Variants in ATRIP observed in about 807,000 individuals in gnomAD.
ATRIP encodes ATR interacting protein.
A neutral mutation model predicts 78.1 loss-of-function variants in ATRIP; 44 were observed. The ratio of observed to expected loss-of-function variants is 0.56; its 90% CI spans 0.44 to 0.72. The LOEUF is 0.72. Among genes scored for constraint, ATRIP ranks in the 30% least tolerant of loss-of-function variants. ATRIP has a pLI of 0.00. For synonymous variants in ATRIP, 388 were observed against 408.9 expected, an observed-to-expected ratio of 0.95 and a Z score of 0.62; for missense variants, 927 against 980.2, an observed-to-expected ratio of 0.95 and a Z score of 0.72.
At chr3:48,450,520 C>T (rs2039807497) in intron 2 of ATRIP, 1 of 1,291,776 alleles carries the variant, frequency 7.7e-7, no homozygotes. Context: ...CACTTCATAT[C>T]ACCATCTGTA....
At chr3:48,451,396 C>T (rs1206643430) in intron 2 of ATRIP, among the ~76,000 whole-genome samples, 1 of 152,142 alleles carries the variant, frequency 6.6e-6, no homozygotes, top group African/African-American at 2.4e-5. Flanking sequence ...GAGGTTGAGG[C>T]GAGAGGATCA....
rs1471932302 is a variant in ATRIP at position 48,446,851 on chromosome 3, G to A, written c.6G>A (p.Ala2=). The part of the protein sequence containing the change: M[A]GTSAPGSKRR... ...ACTTGGGGTGAGCGGAAAGCATGGC[G>A]GGGACCTCCGCGCCAGGCAGCAAGA... The change falls in exon 1 of 13, where the codon GCG becomes GCA. Residue 2 remains alanine (A), a synonymous_variant. Transcript: ENST00000320211. 1.4e-6 allele frequency: 2 copies of A among 1,400,876 alleles called. No individual in the cohort carries two copies. Among genetic ancestry groups the A allele is most frequent in the Non-Finnish European group, 1.9e-6 (2 of 1,079,164 alleles). 86.8% of individuals were successfully genotyped at this position (1,400,876 alleles called of 1,614,324 possible).
chr3:48,459,602 T>C, intron 6 of ATRIP, 148 bp downstream of exon 6: 3 of 1,143,630 alleles, frequency 2.6e-6, no homozygotes, highest in East Asian at 2.3e-5. Flanking sequence ...CAGAAGACTT[T>C]ATAAAGTGGA....
rs1436500948 is a variant in ATRIP at position 48,446,888 on chromosome 3, C to T, written c.43C>T (p.Pro15Ser). 3.6e-6 allele frequency: 5 copies of T among 1,395,850 alleles called. No homozygotes were observed. The highest frequency in any genetic ancestry group is 4.6e-6 in the Non-Finnish European group (5 of 1,078,174). 86.5% of individuals were successfully genotyped at this position (1,395,850 alleles called of 1,614,324 possible). A position where few individuals can be genotyped will look rare whatever the true frequency, so the allele number is the denominator to read the frequency against. Residue 15 changes from proline to serine, a missense_variant, in exon 1 of 13, where the codon CCC becomes TCC. Transcript: ENST00000320211. ...GCCAGGCAGCAAGAGGCGGAGCGAGCCCCCGGCGCCTCGCCCCGGCCCGCC... is the reference window on the plus strand; with the variant it reads ...GCCAGGCAGCAAGAGGCGGAGCGAGTCCCCGGCGCCTCGCCCCGGCCCGCC... The part of the protein sequence containing the change: ...SAPGSKRRSE[P>S]PAPRPGPPPG...
chr3:48,451,899 G>T lies in ATRIP; in HGVS notation c.552G>T (p.Lys184Asn), dbSNP rs760072859. 1.2e-6 allele frequency: 2 copies of T among 1,601,096 alleles called. No individual in the cohort carries two copies. The highest frequency in any genetic ancestry group is 1.7e-5 in the Admixed American group (1 of 58,384). ...LSDKEKEFSK[K>N]LQSLQSELQF... ...ACAAGGAAAAGGAATTCTCCAAAAAGGTGACCCAGAGCATTTGTTTTGCAC... is the reference window on the plus strand; with the variant it reads ...ACAAGGAAAAGGAATTCTCCAAAAATGTGACCCAGAGCATTTGTTTTGCAC... Residue 184 changes from lysine (K) to asparagine (N), a missense_variant and splice_region_variant, in exon 3 of 13, where the codon AAG becomes AAT. Lys to Asn is a moderately conservative substitution (Grantham distance 94, BLOSUM62 0). Transcript: ENST00000320211.
At position 48,467,291 on chromosome 3, in the gene ATRIP, A is replaced by G; in HGVS notation, c.*1737A>G. 1 of 1,614,116 alleles carries G rather than the reference A, an allele frequency of 6.2e-7. No homozygotes were observed. Among genetic ancestry groups the G allele is most frequent in the Non-Finnish European group, 8.5e-7 (1 of 1,180,010 alleles). ...TGCTCAGCATCTGTCAGTGGAGACC[A>G]CAGGCCCTGCTGCGGTGGGTGGATG... On this transcript the variant is annotated 3_prime_UTR_variant, in exon 13 of 13. Transcript: ENST00000320211.
chr3:48,448,287 G>A (rs938788055), intron 1 of ATRIP, among the ~76,000 whole-genome samples: 1 of 148,192 alleles, frequency 6.7e-6, no homozygotes, highest in African/African-American at 2.5e-5. Flanking sequence ...TCAACCTCCC[G>A]AGTAGCCTCA....
intron 2 of ATRIP, chr3:48,450,636 G>A: frequency 2.1e-6 from 2 of 938,218 alleles, no homozygotes; most frequent in Non-Finnish European, 2.9e-6. Flanking sequence ...ATCCAGGCTG[G>A]AGTACAGTGA....
In ATRIP at chr3:48,459,803, C is replaced by T; in HGVS notation, c.942C>T (p.Asn314=). Residue 314 remains asparagine, a synonymous_variant, in exon 7 of 13, where the codon AAC becomes AAT. Transcript: ENST00000320211. Reference sequence around the variant, plus strand: ...CTTCTGCAGGTTCCATTTTGATAAACCTGCTCCTGAAGCAGCCTTTGATCC... The same window carrying T: ...CTTCTGCAGGTTCCATTTTGATAAATCTGCTCCTGAAGCAGCCTTTGATCC... The part of the protein sequence containing the change: ...RSNTQGSILI[N]LLLKQPLIPG... The T allele has an allele frequency of 6.2e-7, 1 of 1,612,492 alleles. No individual in the cohort carries two copies. The highest frequency in any genetic ancestry group is 8.5e-7 in the Non-Finnish European group (1 of 1,179,564).
In ATRIP at chr3:48,449,370, C is replaced by T. The variant is rs536766813; in HGVS notation, c.248-667C>T. On this transcript the variant is annotated intron_variant, in intron 1 of 12. Transcript: ENST00000320211. Reference sequence around the variant, plus strand: ...TGGAGGTTGCAGTGAGCCGAGATCACGCCACTGCTCTCCAGCCTGGGCAAC... The same window carrying T: ...TGGAGGTTGCAGTGAGCCGAGATCATGCCACTGCTCTCCAGCCTGGGCAAC... 4.8e-5 allele frequency among the ~76,000 whole-genome samples: 7 copies of T among 146,390 alleles called. No homozygotes were observed. The South Asian group carries it at 8.6e-4, about 18-fold the overall frequency.
rs1232780874 is a variant in ATRIP at position 48,460,336 on chromosome 3, GGCTTACACT to G, written c.1285_1293del (p.Leu429_Cys431del). 4 of 1,613,222 alleles carry G rather than the reference GGCTTACACT, an allele frequency of 2.5e-6. No homozygotes were observed. The African/African-American group carries it at 5.3e-5, about 22-fold the overall frequency. On this transcript the variant is annotated inframe_deletion, in exon 8 of 13. Coordinates refer to ENST00000320211, the MANE Select transcript of ATRIP (RefSeq NM_130384.3). ...CCTCCCCCTTGTACAGTTCTTCATC[GGCTTACACT>G]GCCAGGCCCTGCAGGACTTGGCAGC...
At chr3:48,464,800 C>G in intron 11 of ATRIP, 31 bp from the exon 12 acceptor site, 3 of 1,601,946 alleles carry the variant, frequency 1.9e-6, no homozygotes, top group Non-Finnish European at 2.6e-6. Flanking sequence ...ATGGTGGCAC[C>G]AGGCCTCAGT....
Position 48,465,057 on chromosome 3 carries a change from G to C in ATRIP, c.2282G>C (p.Gly761Ala), listed in dbSNP as rs771382912. 1 of 1,612,832 alleles carries C rather than the reference G, an allele frequency of 6.2e-7. No homozygotes were observed. Among genetic ancestry groups the C allele is most frequent in the African/African-American group, 1.3e-5 (1 of 75,010 alleles). The change falls in exon 12 of 13, where the codon GGG becomes GCG. Residue 761 changes from glycine (G) to alanine (A), a missense_variant. Coordinates refer to ENST00000320211, the MANE Select transcript of ATRIP (RefSeq NM_130384.3). ...VMPGVSMLIR[G>A]LPDVTDCEEA... is the part of the protein sequence containing the mutation. ...CCGGGGGTCAGCATGCTCATCCGAG[G>C]GCTTCCTGATGTGACGGACTGTGAA... is the stretch of plus-strand genomic sequence containing the variant.
At chr3:48,447,188 C>T (rs1390717950) in intron 1 of ATRIP, 96 bp downstream of exon 1, 5 of 1,305,862 alleles carry the variant, frequency 3.8e-6, no homozygotes, top group Admixed American at 7.9e-5. Context: ...GCCAGCACTG[C>T]CTTTTCGCCT....
At chr3:48,449,931 C>T in intron 1 of ATRIP, 106 bp from the exon 2 acceptor site, 1 of 1,239,354 alleles carries the variant, frequency 8.1e-7, no homozygotes, top group South Asian at 1.5e-5. Context: ...GAGCAAGACC[C>T]TATCTCAAAA....
Position 48,447,033 on chromosome 3 carries a change from T to C in ATRIP, c.188T>C (p.Leu63Pro). ...TTCACTGCCGACGACCTGGAGGAGC[T>C]TGACACCCTCGCGTCACAGGCCCTG... is the stretch of plus-strand genomic sequence containing the variant. ...GDFTADDLEE[L>P]DTLASQALSQ... Residue 63 changes from leucine (L) to proline (P), a missense_variant, in exon 1 of 13, where the codon CTT (leucine) becomes CCT (proline). Leu to Pro is a moderately conservative substitution (Grantham distance 98). Transcript: ENST00000320211. 6.3e-7 allele frequency: 1 copy of C among 1,578,930 alleles called. No homozygotes were observed. Among genetic ancestry groups the C allele is most frequent in the Non-Finnish European group, 8.6e-7 (1 of 1,165,362 alleles).
chr3:48,466,942 G>C lies in ATRIP; in HGVS notation c.*1388G>C, dbSNP rs538366736. On this transcript the variant is annotated 3_prime_UTR_variant, in exon 13 of 13. Transcript: ENST00000320211. ...AGCACAGCTGTGCTGGCAGCGCATGGGCGTCAATGTTTTGATGACAACCTG... is the reference window on the plus strand; with the variant it reads ...AGCACAGCTGTGCTGGCAGCGCATGCGCGTCAATGTTTTGATGACAACCTG... 5.6e-6 allele frequency: 9 copies of C among 1,611,680 alleles called. No individual in the cohort carries two copies. The East Asian group carries it at 8.9e-5, about 16-fold the overall frequency.
At chr3:48,458,481 C>A (rs2107219329) in intron 5 of ATRIP, among the ~76,000 whole-genome samples, 1 of 152,214 alleles carries the variant, frequency 6.6e-6, no homozygotes, top group East Asian at 1.9e-4. Flanking sequence ...CGCCACCACA[C>A]CCAGCTAATT....
At chr3:48,447,184 A>G in intron 1 of ATRIP, 92 bp downstream of exon 1, 2 of 1,327,934 alleles carry the variant, frequency 1.5e-6, no homozygotes, top group Non-Finnish European at 1.9e-6. Context: ...CGCGGCCAGC[A>G]CTGCCTTTTC....
Sources: allele counts gnomAD v4.1 joint callset (sites outside exome capture counted in the v4.1 genomes callset), GRCh38; gene constraint gnomAD v4.1.1; transcripts MANE v1.5; gene names NCBI Gene and HGNC (gene_info 2026-07-23, HGNC 2026-07-21).